AMD1: variants seen among roughly 807,000 people sequenced by gnomAD.
AMD1 encodes the protein S-adenosylmethionine decarboxylase proenzyme.
AMD1 carries 11 observed loss-of-function variants against 40.2 expected under a neutral mutation model. The observed-to-expected ratio is 0.27, with a 90% CI of 0.17 to 0.45. AMD1 has a LOEUF of 0.45. AMD1 is among the 20% of genes least tolerant of loss of function. AMD1 has a pLI of 1.00. For missense variants in AMD1, 257 were observed against 410.2 expected (o/e 0.63, Z 3.23); for synonymous variants, 121 against 130.8 (o/e 0.93, Z 0.51).
At chr6:110,830,931 T>C in the AMD1 span, among the ~76,000 whole-genome samples, 1 of 152,122 alleles carries the variant, frequency 6.6e-6, no homozygotes, top group African/African-American at 2.4e-5. Context: ...TATTTTTAAT[T>C]TTTTTGTAGA....
upstream of AMD1, among the ~76,000 whole-genome samples, chr6:110,872,771 T>G (rs1784941027): frequency 6.6e-6 from 1 of 152,204 alleles, no homozygotes; most frequent in Admixed American, 6.5e-5. Flanking sequence ...AAGGATTTAC[T>G]TTGCCAAGAT....
At chr6:110,816,384 T>A in the AMD1 span, among the ~76,000 whole-genome samples, 1 of 152,220 alleles carries the variant, frequency 6.6e-6, no homozygotes. Flanking sequence ...GATTTCATTG[T>A]GTTGGGGCTC....
chr6:110,890,050 C>A, intron 3 of AMD1: 2 of 473,468 alleles, frequency 4.2e-6, no homozygotes, highest in Non-Finnish European at 3.7e-6. Flanking sequence ...AGTATGTTGC[C>A]CAGGCTGGAC....
Position 110,893,979 on chromosome 6 carries a change from A to G in AMD1, c.*363A>G, listed in dbSNP as rs1786175651. On this transcript the variant is annotated 3_prime_UTR_variant, in exon 9 of 9. Transcript: ENST00000368885. ...AAGTATCATCCAAAATTCCCCACAG[A>G]CAAGGCTTTCGTCCTCATTAGGTGT... is the stretch of plus-strand genomic sequence containing the variant. 1 of 212,598 alleles carries G rather than the reference A, an allele frequency of 4.7e-6. No individual in the cohort carries two copies. The highest frequency in any genetic ancestry group is 9.7e-6 in the Non-Finnish European group (1 of 103,312). 13.2% of individuals were successfully genotyped at this position (212,598 alleles called of 1,614,324 possible). A position where few individuals can be genotyped will look rare whatever the true frequency, so the allele number is the denominator to read the frequency against.
At chr6:110,837,150 C>G in the AMD1 span, among the ~76,000 whole-genome samples, 2 of 111,452 alleles carry the variant, frequency 1.8e-5, no homozygotes, top group South Asian at 6.2e-4. Flanking sequence ...CACTGCAGTA[C>G]AGTCTGAGAA....
the AMD1 span, among the ~76,000 whole-genome samples, chr6:110,855,265 T>C: frequency 6.6e-6 from 1 of 151,972 alleles, no homozygotes; most frequent in African/African-American, 2.4e-5. Flanking sequence ...CACATGTACT[T>C]AAAACTCTGT....
chr6:110,891,245 T>C (rs994482564), intron 4 of AMD1: 1 of 152,214 alleles, frequency 6.6e-6, no homozygotes. Flanking sequence ...GGAATCTTGC[T>C]GTGTTGCCCA....
chr6:110,881,919 A>G (rs1191041940), intron 1 of AMD1, among the ~76,000 whole-genome samples: 1 of 152,168 alleles, frequency 6.6e-6, no homozygotes, highest in Non-Finnish European at 1.5e-5. Flanking sequence ...AAATCCCAAA[A>G]TCATCTTGCT....
At chr6:110,877,453 G>C (rs1429986025) in intron 1 of AMD1, among the ~76,000 whole-genome samples, 1 of 152,278 alleles carries the variant, frequency 6.6e-6, no homozygotes. Flanking sequence ...ACGGAGTCCG[G>C]TCGGTGGGGA....
chr6:110,852,176 G>A, the AMD1 span, among the ~76,000 whole-genome samples: 1 of 136,462 alleles, frequency 7.3e-6, no homozygotes, highest in East Asian at 2.1e-4. Context: ...ACTGACTATA[G>A]GCATGCACCT....
chr6:110,828,943 G>A, the AMD1 span, among the ~76,000 whole-genome samples: 18 of 152,046 alleles, frequency 1.2e-4, no homozygotes, highest in Admixed American at 2.0e-4. Flanking sequence ...AGGCCAAGGC[G>A]TGCAGATAAC....
the AMD1 span, among the ~76,000 whole-genome samples, chr6:110,821,320 C>T: frequency 3.3e-5 from 5 of 152,118 alleles, no homozygotes; most frequent in Admixed American, 1.3e-4. Context: ...TGAGACAAGC[C>T]GGGCACAGTG....
chr6:110,830,547 C>A, the AMD1 span, among the ~76,000 whole-genome samples: 2 of 152,298 alleles, frequency 1.3e-5, no homozygotes, highest in East Asian at 1.9e-4. Context: ...TTCTAAATAA[C>A]CTGCCCCTTA....
the AMD1 span, among the ~76,000 whole-genome samples, chr6:110,832,898 G>C: frequency 6.6e-6 from 1 of 152,130 alleles, no homozygotes; most frequent in Non-Finnish European, 1.5e-5. Flanking sequence ...TCGGCTCACT[G>C]CAACTTCTGC....
chr6:110,849,114 G>A, the AMD1 span, among the ~76,000 whole-genome samples: 15 of 152,322 alleles, frequency 9.8e-5, no homozygotes, highest in East Asian at 1.9e-3. Context: ...TCATGTTGAC[G>A]TGATACAGAC....
upstream of AMD1, among the ~76,000 whole-genome samples, chr6:110,873,841 G>A (rs559321908): frequency 6.6e-6 from 1 of 152,308 alleles, no homozygotes; most frequent in South Asian, 2.1e-4. Context: ...AAGCACATGG[G>A]AAGATAGCAC....
chr6:110,866,896 C>CTCCG, the AMD1 span, among the ~76,000 whole-genome samples: 1 of 151,954 alleles, frequency 6.6e-6, no homozygotes, highest in Non-Finnish European at 1.5e-5. Flanking sequence ...TCACTGCAAC[C>CTCCG]TCCGCCTCCC....
the AMD1 span, chr6:110,858,162 G>A: frequency 1.7e-6 from 1 of 603,346 alleles, no homozygotes; most frequent in Non-Finnish European, 3.1e-6. Context: ...AATATCCCTA[G>A]AGGAGTGCGT....
At chr6:110,833,709 C>T in the AMD1 span, among the ~76,000 whole-genome samples, 1 of 152,012 alleles carries the variant, frequency 6.6e-6, no homozygotes. Flanking sequence ...TTTTCTTTAC[C>T]CTCTTAAAAG....
Sources: allele counts gnomAD v4.1 joint callset (sites outside exome capture counted in the v4.1 genomes callset), GRCh38; gene constraint gnomAD v4.1.1; transcripts MANE v1.5; gene names NCBI Gene and HGNC (gene_info 2026-07-23, HGNC 2026-07-21).